Variants in SRGAP1 observed in about 807,000 individuals in gnomAD.
SRGAP1 encodes the protein SLIT-ROBO Rho GTPase activating protein 1.
A neutral mutation model predicts 121.9 loss-of-function variants in SRGAP1; 43 were observed. That is an observed-to-expected ratio of 0.35 (90% CI 0.28 to 0.46). The LOEUF (loss-of-function observed/expected upper bound fraction) is 0.46, where lower values mean the gene tolerates loss of function less well. SRGAP1 is among the 20% of genes least tolerant of loss of function. The pLI is 1.00. For synonymous variants in SRGAP1, 447 were observed against 485.4 expected (o/e 0.92, Z 1.04); for missense variants, 1,102 against 1,350.9 (o/e 0.82, Z 2.89).
At chr12:64,126,278 A>G (rs1174858388) in intron 19 of SRGAP1, 121 bp downstream of exon 19, 1 of 1,119,588 alleles carries the variant, frequency 8.9e-7, no homozygotes, top group Middle Eastern at 3.1e-4. Flanking sequence ...AAAACTTCAG[A>G]GCTAGGCACA....
At chr12:63,953,820 T>TATGA (rs2032373032) in intron 1 of SRGAP1, among the ~76,000 whole-genome samples, 1 of 152,148 alleles carries the variant, frequency 6.6e-6, no homozygotes, top group Non-Finnish European at 1.5e-5. Context: ...ATGGAACTGG[T>TATGA]TCATGTCAGC....
rs1358825337 is a variant in SRGAP1, at chr12:63,877,461, C to G, written c.67+32578C>G. Among the ~76,000 whole-genome samples, 3 of 152,062 alleles carry G rather than the reference C, an allele frequency of 2.0e-5. 1 individual carries two copies. Among genetic ancestry groups the G allele is most frequent in the Admixed American group, 2.0e-4 (3 of 15,272 alleles). On this transcript the variant is annotated intron_variant, in intron 1 of 21. Coordinates refer to ENST00000355086, the MANE Select transcript of SRGAP1 (RefSeq NM_020762.4). ...ATTCACATTAGAACCAAAAAAAAGC[C>G]TGTAATTAAGATGTGTCTTAGTCAC... is the stretch of plus-strand genomic sequence containing the variant.
rs2136569548 is a variant in SRGAP1, at chr12:64,083,268, A to C, written c.1408+2898A>C. Reference sequence around the variant, plus strand: ...GACAGTCCTGACTTTTTATATAGAAATCACCTCTCTGAAGTATACTAGACT... The same window carrying C: ...GACAGTCCTGACTTTTTATATAGAACTCACCTCTCTGAAGTATACTAGACT... On this transcript the variant is annotated intron_variant, in intron 10 of 21. Coordinates refer to ENST00000355086, the MANE Select transcript of SRGAP1 (RefSeq NM_020762.4). Among the ~76,000 whole-genome samples, 2 of 152,248 alleles carry C rather than the reference A, an allele frequency of 1.3e-5. 1 individual carries two copies.
chr12:64,013,266 T>C (rs991205103), intron 3 of SRGAP1, among the ~76,000 whole-genome samples: 1 of 152,130 alleles, frequency 6.6e-6, no homozygotes, highest in African/African-American at 2.4e-5. Flanking sequence ...CATGAGGTGC[T>C]CCCTCCACTG....
At chr12:63,913,452 C>CATATATATATATATAT (rs2030617107) in intron 1 of SRGAP1, among the ~76,000 whole-genome samples, 1 of 85,976 alleles carries the variant, frequency 1.2e-5, no homozygotes, top group Non-Finnish European at 2.4e-5. Context: ...TCACTGTGTC[C>CATATATATATATATAT]ACATATATAT....
chr12:64,017,817 T>C (rs1037250996), intron 4 of SRGAP1, among the ~76,000 whole-genome samples: 2 of 152,310 alleles, frequency 1.3e-5, no homozygotes, highest in East Asian at 3.9e-4. Flanking sequence ...TAATTTGCTT[T>C]TGTGACTTAC....
At position 64,146,087 on chromosome 12, in the gene SRGAP1, GGT is replaced by G. The variant is rs1460101899; in HGVS notation, c.*3418_*3419del. Reference sequence around the variant, plus strand: ...GAGTGGATTTGGGGATAGAGAGAAAGGTGTACTTAGTACACATTTTCTAATGG... The same window carrying G: ...GAGTGGATTTGGGGATAGAGAGAAAGGTACTTAGTACACATTTTCTAATGG... On this transcript the variant is annotated 3_prime_UTR_variant, in exon 22 of 22. Coordinates refer to ENST00000355086, the MANE Select transcript of SRGAP1 (RefSeq NM_020762.4). The G allele has an allele frequency of 6.6e-6, 1 of 152,158 alleles. No individual in the cohort carries two copies. Among genetic ancestry groups the G allele is most frequent in the African/African-American group, 2.4e-5 (1 of 41,408 alleles). The allele number at this position is 152,158 out of a possible 1,614,324, so 9.4% of individuals were successfully genotyped here.
intron 1 of SRGAP1, among the ~76,000 whole-genome samples, chr12:63,891,541 G>A (rs933777427): frequency 3.9e-5 from 6 of 152,152 alleles, no homozygotes; most frequent in African/African-American, 1.4e-4. Context: ...GGTTGGGTCC[G>A]TAGCACCTAG....
chr12:64,063,745 G>T (rs1444775699), intron 7 of SRGAP1, among the ~76,000 whole-genome samples: 1 of 151,964 alleles, frequency 6.6e-6, no homozygotes, highest in African/African-American at 2.4e-5. Flanking sequence ...CCAACTTAGG[G>T]AGCATGCTAT....
chr12:63,874,405 A>G (rs1033599174), intron 1 of SRGAP1, among the ~76,000 whole-genome samples: 2 of 152,030 alleles, frequency 1.3e-5, no homozygotes, highest in Non-Finnish European at 2.9e-5. Flanking sequence ...GGGTTTCACC[A>G]TGTTAGCCAG....
chr12:63,956,683 T>C (rs1310225319), intron 1 of SRGAP1, among the ~76,000 whole-genome samples: 1 of 149,848 alleles, frequency 6.7e-6, no homozygotes, highest in East Asian at 2.0e-4. Flanking sequence ...CTGTTATTGA[T>C]AGGATATGTT....
intron 10 of SRGAP1, among the ~76,000 whole-genome samples, chr12:64,083,860 C>T (rs538547201): frequency 2.2e-4 from 34 of 152,152 alleles, no homozygotes; most frequent in Middle Eastern, 3.2e-3. Context: ...GCTTCTTGCC[C>T]TGGGCATAAG....
chr12:64,044,530 G>T (rs1053049462), intron 6 of SRGAP1, among the ~76,000 whole-genome samples: 1 of 151,908 alleles, frequency 6.6e-6, no homozygotes, highest in Non-Finnish European at 1.5e-5. Flanking sequence ...ACATACAGTA[G>T]GTTAAAACAA....
At chr12:64,069,693 C>T (rs556409607) in intron 8 of SRGAP1, among the ~76,000 whole-genome samples, 6 of 152,034 alleles carry the variant, frequency 3.9e-5, no homozygotes, top group Non-Finnish European at 5.9e-5. Flanking sequence ...GACAGGGTCC[C>T]GCTCTGTCAT....
chr12:63,853,092 T>C (rs1899127904), intron 1 of SRGAP1, among the ~76,000 whole-genome samples: 1 of 151,820 alleles, frequency 6.6e-6, no homozygotes, highest in Non-Finnish European at 1.5e-5. Context: ...AGATCTTGGC[T>C]CACTGCAACC....
chr12:63,983,847 TA>T (rs2033340854), intron 1 of SRGAP1, 99 bp from the exon 2 acceptor site: 3 of 98,266 alleles, frequency 3.1e-5, no homozygotes, highest in Non-Finnish European at 5.9e-5. Flanking sequence ...TATATATATA[TA>T]TATATATTTA....
chr12:63,893,338 G>A (rs1229017622), intron 1 of SRGAP1, among the ~76,000 whole-genome samples: 1 of 152,196 alleles, frequency 6.6e-6, no homozygotes, highest in Non-Finnish European at 1.5e-5. Flanking sequence ...GCAAATGTAA[G>A]GCTTAGTAGT....
At chr12:63,978,875 C>A (rs1445077296) in intron 1 of SRGAP1, among the ~76,000 whole-genome samples, 6 of 151,922 alleles carry the variant, frequency 3.9e-5, no homozygotes, top group African/African-American at 7.3e-5. Context: ...TTTTTTAAAT[C>A]TTTTTGATTA....
At chr12:63,868,176 G>C (rs1419649147) in intron 1 of SRGAP1, among the ~76,000 whole-genome samples, 3 of 146,186 alleles carry the variant, frequency 2.1e-5, no homozygotes, top group African/African-American at 7.6e-5. Flanking sequence ...CCGCCTCCTG[G>C]GTTCAAGCCA....
Sources: allele counts gnomAD v4.1 joint callset (sites outside exome capture counted in the v4.1 genomes callset), GRCh38; gene constraint gnomAD v4.1.1; transcripts MANE v1.5; gene names NCBI Gene and HGNC (gene_info 2026-07-23, HGNC 2026-07-21).